Variants in RAP1GDS1 observed in about 807,000 individuals in gnomAD.
RAP1GDS1 encodes the protein RAP1, GTP-GDP dissociation stimulator 1.
RAP1GDS1 carries 35 observed loss-of-function variants against 71.1 expected under a neutral mutation model. The observed-to-expected ratio is 0.49, with a 90% CI of 0.38 to 0.65. The LOEUF is 0.65. RAP1GDS1 is among the 30% of genes least tolerant of loss of function. RAP1GDS1 has a pLI of 0.00. For synonymous variants in RAP1GDS1, 229 were observed against 243.1 expected, an observed-to-expected ratio of 0.94 and a Z score of 0.54; for missense variants, 663 against 706.1, an observed-to-expected ratio of 0.94 and a Z score of 0.69.
intron 2 of RAP1GDS1, among the ~76,000 whole-genome samples, chr4:98,330,159 A>T (rs1381836736): frequency 6.6e-6 from 1 of 152,220 alleles, no homozygotes; most frequent in Non-Finnish European, 1.5e-5. Flanking sequence ...GATTAACAGC[A>T]TCCCAAGGCA....
intron 2 of RAP1GDS1, among the ~76,000 whole-genome samples, chr4:98,306,393 G>A (rs1729327314): frequency 6.6e-6 from 1 of 152,176 alleles, no homozygotes; most frequent in South Asian, 2.1e-4. Flanking sequence ...AAGGGAAGGA[G>A]AGCGAGAGAG....
chr4:98,282,713 G>C (rs554422703), intron 1 of RAP1GDS1, among the ~76,000 whole-genome samples: 10 of 151,876 alleles, frequency 6.6e-5, no homozygotes, highest in African/African-American at 2.4e-4. Flanking sequence ...TGTGATGTTA[G>C]AATGTCTATT....
intron 1 of RAP1GDS1, among the ~76,000 whole-genome samples, chr4:98,267,341 G>A (rs1560743762): frequency 2.0e-5 from 3 of 152,076 alleles, no homozygotes; most frequent in Non-Finnish European, 4.4e-5. Context: ...TAGGTTCAGA[G>A]GGTACATGTG....
At chr4:98,441,946 G>T (rs1751927328) in intron 14 of RAP1GDS1, 44 bp from the exon 15 acceptor site, 1 of 1,603,446 alleles carries the variant, frequency 6.2e-7, no homozygotes. Context: ...GATAGACTTA[G>T]AACAACCTAA....
At chr4:98,411,085 C>A (rs555452466) in intron 7 of RAP1GDS1, among the ~76,000 whole-genome samples, 6 of 152,226 alleles carry the variant, frequency 3.9e-5, no homozygotes, top group African/African-American at 1.4e-4. Flanking sequence ...TTTTAAAATA[C>A]CTATATATGA....
At chr4:98,352,984 C>T (rs1480805826) in intron 4 of RAP1GDS1, among the ~76,000 whole-genome samples, 1 of 152,186 alleles carries the variant, frequency 6.6e-6, no homozygotes, top group African/African-American at 2.4e-5. Flanking sequence ...TGTCCAAATA[C>T]ATTTTTAATT....
intron 3 of RAP1GDS1, among the ~76,000 whole-genome samples, chr4:98,347,230 AAG>A (rs1736423850): frequency 6.6e-6 from 1 of 152,212 alleles, no homozygotes; most frequent in African/African-American, 2.4e-5. Context: ...TGTATATAAA[AAG>A]AAAATAATTT....
chr4:98,316,778 A>G (rs921059795), intron 2 of RAP1GDS1, among the ~76,000 whole-genome samples: 1 of 152,316 alleles, frequency 6.6e-6, no homozygotes, highest in South Asian at 2.1e-4. Flanking sequence ...GAAGTTCTGC[A>G]TGAGAGTACT....
At chr4:98,332,226 T>C (rs1265048276) in intron 2 of RAP1GDS1, among the ~76,000 whole-genome samples, 1 of 152,158 alleles carries the variant, frequency 6.6e-6, no homozygotes, top group Admixed American at 6.5e-5. Flanking sequence ...TACACCTTAT[T>C]ATAGAGGAAT....
rs73834468 is a variant in RAP1GDS1, at chr4:98,391,608, A to G, written c.509-344A>G. On this transcript the variant is annotated intron_variant, in intron 5 of 14. Coordinates refer to ENST00000408927, the MANE Select transcript of RAP1GDS1 (RefSeq NM_001100427.2). The stretch of plus-strand genomic sequence containing the variant: ...TCCTGTAATGCAAATGTTACTCTAA[A>G]TTTTTCACTCAAAAACTAATGGTAA... Among the ~76,000 whole-genome samples, 982 of 152,074 alleles carry G rather than the reference A, an allele frequency of 6.5e-3. 11 individuals carry two copies. The highest frequency in any genetic ancestry group is 0.021 in the African/African-American group (866 of 41,498).
chr4:98,406,496 C>T (rs57012386), intron 7 of RAP1GDS1, among the ~76,000 whole-genome samples: 2 of 151,668 alleles, frequency 1.3e-5, no homozygotes, highest in African/African-American at 4.8e-5. Flanking sequence ...AAAAAATAAC[C>T]GTTATACATT....
chr4:98,436,356 A>T (rs1386364918), intron 13 of RAP1GDS1, among the ~76,000 whole-genome samples: 1 of 152,152 alleles, frequency 6.6e-6, no homozygotes, highest in Non-Finnish European at 1.5e-5. Context: ...TTAATACTGG[A>T]TGGAGGAATT....
intron 7 of RAP1GDS1, among the ~76,000 whole-genome samples, chr4:98,414,364 CT>C (rs1488402952): frequency 7.5e-6 from 1 of 132,932 alleles, no homozygotes; most frequent in African/African-American, 3.4e-5. Flanking sequence ...ACATTTAAAT[CT>C]TTAATCCATC....
chr4:98,293,732 A>G (rs114005494), intron 2 of RAP1GDS1, among the ~76,000 whole-genome samples: 2,148 of 152,164 alleles, frequency 0.014, 53 homozygotes, highest in African/African-American at 0.049. Context: ...AGGCAAAGAA[A>G]GGAGGAATTG....
chr4:98,354,763 G>T (rs1737711373), intron 4 of RAP1GDS1, among the ~76,000 whole-genome samples: 1 of 151,666 alleles, frequency 6.6e-6, no homozygotes, highest in Non-Finnish European at 1.5e-5. Context: ...TCCTCATTTA[G>T]TTCAATGGAA....
In RAP1GDS1 at chr4:98,442,965, CTTGT is replaced by C. The variant is rs1371407072; in HGVS notation, c.*855_*858del. On this transcript the variant is annotated 3_prime_UTR_variant, in exon 15 of 15. Coordinates refer to ENST00000408927, the MANE Select transcript of RAP1GDS1 (RefSeq NM_001100427.2). ...ACTTGTCTTTAAAATTCATTTGGCG[CTTGT>C]TTGTTTTCAACTGAGGAAATTGAGT... 2 of 210,786 alleles carry C rather than the reference CTTGT, an allele frequency of 9.5e-6. No individual in the cohort carries two copies. The highest frequency in any genetic ancestry group is 1.8e-5 in the Non-Finnish European group (2 of 108,782). The allele number at this position is 210,786 out of a possible 1,614,324, so 13.1% of individuals were successfully genotyped here.
At chr4:98,432,140 A>T (rs1035709058) in intron 12 of RAP1GDS1, among the ~76,000 whole-genome samples, 13 of 152,154 alleles carry the variant, frequency 8.5e-5, no homozygotes, top group African/African-American at 2.9e-4. Context: ...CAGAAATTTT[A>T]AAAAGGACTC....
intron 1 of RAP1GDS1, among the ~76,000 whole-genome samples, chr4:98,267,033 A>G (rs1394083099): frequency 6.6e-6 from 1 of 152,168 alleles, no homozygotes; most frequent in Non-Finnish European, 1.5e-5. Flanking sequence ...TCCTTTGGGA[A>G]CCTGATGTAA....
chr4:98,426,451 A>C (rs915602818), intron 12 of RAP1GDS1, among the ~76,000 whole-genome samples: 3 of 152,184 alleles, frequency 2.0e-5, no homozygotes, highest in African/African-American at 7.2e-5. Context: ...TTATTTGAGA[A>C]GATGAATAAG....
Sources: allele counts gnomAD v4.1 joint callset (sites outside exome capture counted in the v4.1 genomes callset), GRCh38; gene constraint gnomAD v4.1.1; transcripts MANE v1.5; gene names NCBI Gene and HGNC (gene_info 2026-07-23, HGNC 2026-07-21).